ZFY: variants seen among roughly 807,000 people sequenced by gnomAD.
ZFY encodes the protein zinc finger Y-chromosomal protein.
For missense variants in ZFY, 113 were observed against 170.9 expected, an observed-to-expected ratio of 0.66 and a Z score of 1.89; for synonymous variants, 47 against 55.8, an observed-to-expected ratio of 0.84 and a Z score of 0.71.
At chrY:2,964,184 G>A in intron 3 of ZFY, among the ~76,000 whole-genome samples, 2 of 33,326 alleles carry the variant, frequency 6.0e-5, no homozygotes, top group Non-Finnish European at 1.5e-4. Context: ...GCTAATCAAA[G>A]GAGATAGAAA....
Position 2,981,870 on chromosome Y carries a change from T to G in ZFY, c.*1877T>G. ...TTACTGTCCTTCATGATCCTGTTCT[T>G]GAAAACTTCAGTTTGTATTTGAGAA... On this transcript the variant is annotated 3_prime_UTR_variant, in exon 8 of 8. Coordinates refer to ENST00000155093, the MANE Select transcript of ZFY (RefSeq NM_003411.4). 3.0e-5 allele frequency: 1 copy of G among 33,434 alleles called. No individual in the cohort carries two copies. Among genetic ancestry groups the G allele is most frequent in the Non-Finnish European group, 7.4e-5 (1 of 13,423 alleles). 8.3% of individuals were successfully genotyped at this position (33,434 alleles called of 400,897 possible). A position where few individuals can be genotyped will look rare whatever the true frequency, so the allele number is the denominator to read the frequency against.
At chrY:2,953,360 G>T (rs2051284090) in intron 1 of ZFY, among the ~76,000 whole-genome samples, 1 of 31,601 alleles carries the variant, frequency 3.2e-5, no homozygotes, top group Non-Finnish European at 7.6e-5. Context: ...AAAATCATGG[G>T]GGTTACTGAT....
intron 2 of ZFY, among the ~76,000 whole-genome samples, chrY:2,960,658 A>T (rs2051306245): frequency 3.0e-5 from 1 of 32,807 alleles, no homozygotes. Context: ...TAATGAAGAA[A>T]TAGTATATTT....
intron 1 of ZFY, among the ~76,000 whole-genome samples, chrY:2,952,043 C>T (rs550647792): frequency 3.1e-3 from 97 of 31,627 alleles, no homozygotes; most frequent in African/African-American, 0.011. Context: ...CTCAGCCTTC[C>T]GAGTAGCTGG....
chrY:2,978,631 C>A, intron 7 of ZFY, among the ~76,000 whole-genome samples, 179 bp from the exon 8 acceptor site: 3 of 31,345 alleles, frequency 9.6e-5, no homozygotes, highest in African/African-American at 3.8e-4. Context: ...TCATACTTAA[C>A]CAAACCAGTT....
chrY:2,965,806 T>C (rs2051325785), intron 3 of ZFY, among the ~76,000 whole-genome samples: 1 of 33,912 alleles, frequency 2.9e-5, no homozygotes, highest in Admixed American at 2.7e-4. Context: ...TGTAGAACTA[T>C]AAACAGCCTG....
chrY:2,938,339 G>T (rs538995817), intron 1 of ZFY, among the ~76,000 whole-genome samples: 7 of 25,671 alleles, frequency 2.7e-4, no homozygotes, highest in African/African-American at 1.1e-3. Flanking sequence ...CAATCTAGTT[G>T]TCGACTTGCT....
intron 3 of ZFY, among the ~76,000 whole-genome samples, chrY:2,971,647 C>T (rs2051348202): frequency 3.0e-5 from 1 of 33,453 alleles, no homozygotes; most frequent in Non-Finnish European, 7.4e-5. Flanking sequence ...CTCATATGGA[C>T]ACCTTGAAAA....
chrY:2,956,804 A>C, intron 2 of ZFY, among the ~76,000 whole-genome samples: 1 of 31,220 alleles, frequency 3.2e-5, no homozygotes, highest in African/African-American at 1.3e-4. Context: ...TCTAAGCATT[A>C]AGTAGAAACA....
chrY:2,976,077 TG>T (rs2051368494), intron 5 of ZFY, among the ~76,000 whole-genome samples: 2 of 31,098 alleles, frequency 6.4e-5, no homozygotes, highest in African/African-American at 1.3e-4. Context: ...GCTTTTTTTG[TG>T]GGAGAGGGTT....
intron 3 of ZFY, among the ~76,000 whole-genome samples, chrY:2,971,917 A>G: frequency 6.4e-5 from 2 of 31,313 alleles, no homozygotes; most frequent in Admixed American, 6.1e-4. Context: ...TAAAAATGCA[A>G]AAATTAACAA....
intron 3 of ZFY, among the ~76,000 whole-genome samples, chrY:2,967,881 A>T: frequency 3.0e-5 from 1 of 33,028 alleles, no homozygotes; most frequent in Non-Finnish European, 7.4e-5. Flanking sequence ...ATTAATAATC[A>T]TCATTATATT....
chrY:2,961,808 G>A, intron 3 of ZFY, among the ~76,000 whole-genome samples, 162 bp downstream of exon 3: 1 of 33,229 alleles, frequency 3.0e-5, no homozygotes, highest in Non-Finnish European at 7.4e-5. Flanking sequence ...AAGATAAACC[G>A]TAATTAAGTG....
At chrY:2,939,278 T>A (rs922836424) in intron 1 of ZFY, among the ~76,000 whole-genome samples, 1 of 31,615 alleles carries the variant, frequency 3.2e-5, no homozygotes, top group Non-Finnish European at 7.7e-5. Flanking sequence ...CAACGTCCAT[T>A]TTCTCTGCTT....
At chrY:2,948,833 A>G in intron 1 of ZFY, among the ~76,000 whole-genome samples, 1 of 33,898 alleles carries the variant, frequency 3.0e-5, no homozygotes, top group African/African-American at 1.1e-4. Context: ...CACATTGGAT[A>G]TAAATGTTTG....
Position 2,979,709 on chromosome Y carries a change from G to A in ZFY, c.2122G>A (p.Val708Ile). ...PFVLSRHILS[V>I]HTKDLPFRCK... ...TGTTCTAAGTCGCCATATTCTCTCA[G>A]TTCACACAAAGGATCTTCCATTTAG... The change falls in exon 8 of 8, where the codon GTT becomes ATT. Residue 708 changes from valine to isoleucine, a missense_variant. Physicochemically the swap from Val to Ile is conservative, Grantham distance 29. Coordinates refer to ENST00000155093, the MANE Select transcript of ZFY (RefSeq NM_003411.4). The A allele has an allele frequency of 2.5e-6, 1 of 399,107 alleles. No homozygotes were observed. The highest frequency in any genetic ancestry group is 3.5e-6 in the Non-Finnish European group (1 of 283,765).
chrY:2,954,991 A>G (rs1037967798), intron 2 of ZFY, among the ~76,000 whole-genome samples: 5 of 32,205 alleles, frequency 1.6e-4, no homozygotes, highest in Non-Finnish European at 3.0e-4. Context: ...CCTCTATCAC[A>G]TCCGTCTTCT....
At chrY:2,936,069 A>G (rs2051214679) in intron 1 of ZFY, among the ~76,000 whole-genome samples, 1 of 34,768 alleles carries the variant, frequency 2.9e-5, no homozygotes, top group Non-Finnish European at 7.3e-5. Flanking sequence ...CTTTGTCGCC[A>G]TATGCGCGCG....
chrY:2,975,428 A>G, intron 4 of ZFY, 83 bp from the exon 5 acceptor site: 1 of 349,519 alleles, frequency 2.9e-6, no homozygotes, highest in South Asian at 3.4e-5. Flanking sequence ...AGTTAGTAAT[A>G]TAAAAATACA....
Sources: gnomAD v4.1 joint callset for allele counts (sites outside exome capture counted in the v4.1 genomes callset) on GRCh38, gnomAD v4.1.1 for gene constraint, MANE v1.5 for transcripts, NCBI Gene and HGNC (gene_info 2026-07-23, HGNC 2026-07-21) for gene names.